NTRK1: variants seen among roughly 807,000 people sequenced by gnomAD.
NTRK1 encodes high affinity nerve growth factor receptor.
In NTRK1, 62 loss-of-function variants were observed where a neutral mutation model predicts 86.8. That is an observed-to-expected ratio of 0.71 (90% CI 0.58 to 0.88). The LOEUF is 0.88. Among genes scored for constraint, NTRK1 ranks in the 40% least tolerant of loss-of-function variants. NTRK1 has a pLI of 0.00. For missense variants in NTRK1, 967 were observed against 1,078.4 expected (o/e 0.90, Z 1.45); for synonymous variants, 469 against 456.6 (o/e 1.03, Z -0.35).
upstream of NTRK1, among the ~76,000 whole-genome samples, chr1:156,858,047 G>C (rs943550): frequency 4.8e-3 from 726 of 152,264 alleles, 5 homozygotes; most frequent in African/African-American, 0.017. Context: ...GCCCTAAGAG[G>C]GGGGACACAG....
Position 156,875,700 on chromosome 1 carries a change from AGT to A in NTRK1, c.1501+69_1501+70del, listed in dbSNP as rs56185968. On this transcript the variant is annotated intron_variant, in intron 12 of 16. Transcript: ENST00000524377. Reference sequence around the variant, plus strand: ...CTATGCTGGGTCAAGGGCAGGGACGAGTGTGTGTGTGTGTGTGTGTGTGTGTG... The same window carrying A: ...CTATGCTGGGTCAAGGGCAGGGACGAGTGTGTGTGTGTGTGTGTGTGTGTG... 0.13 allele frequency: 176,252 copies of A among 1,378,050 alleles called. 1,921 individuals are homozygous for A. Among genetic ancestry groups the A allele is most frequent in the East Asian group, 0.31 (13,024 of 41,490 alleles). 85.4% of individuals were successfully genotyped at this position (1,378,050 alleles called of 1,614,324 possible).
intron 7 of NTRK1, 121 bp downstream of exon 7, chr1:156,871,876 C>A: frequency 4.5e-6 from 6 of 1,322,404 alleles, no homozygotes; most frequent in Non-Finnish European, 6.4e-6. Context: ...CTGCTCCCTC[C>A]CAGCTGTTTC....
chr1:156,843,213 C>T (rs754447025), intron 2 of NTRK1: 2 of 1,614,128 alleles, frequency 1.2e-6, no homozygotes, highest in South Asian at 2.2e-5. Flanking sequence ...CGAGGCACCT[C>T]CCATTCATCA....
chr1:156,852,786 C>G (rs980558699), intron 2 of NTRK1, among the ~76,000 whole-genome samples: 1 of 152,204 alleles, frequency 6.6e-6, no homozygotes, highest in Non-Finnish European at 1.5e-5. Context: ...TCAGCCAGGT[C>G]GTGTTGACAC....
chr1:156,819,504 T>TTTTTTA (rs55859036), intron 1 of NTRK1, among the ~76,000 whole-genome samples: 116,578 of 147,086 alleles, frequency 0.79, 49,260 homozygotes, highest in East Asian at 0.94. Flanking sequence ...GGATTATTAT[T>TTTTTTA]TTTTTATTTT....
Position 156,881,403 on chromosome 1 carries a change from C to T in NTRK1, c.2206-54C>T, listed in dbSNP as rs2102930225. 7 of 1,534,006 alleles carry T rather than the reference C, an allele frequency of 4.6e-6. No individual in the cohort carries two copies. The South Asian group carries it at 8.4e-5, about 19-fold the overall frequency. ...AGTGAGGGCACTGGGACTGGCCTCA[C>T]TCTCTTGCCCCCAGCCTAGTGGGCT... is the stretch of plus-strand genomic sequence containing the variant. On this transcript the variant is annotated intron_variant, in intron 16 of 16. Transcript: ENST00000524377.
At chr1:156,843,309 C>G (rs1654870385) in intron 2 of NTRK1, 6 of 1,566,078 alleles carry the variant, frequency 3.8e-6, no homozygotes, top group Non-Finnish European at 5.3e-6. Flanking sequence ...CTCTTCTCCT[C>G]TTCTGAAGGG....
chr1:156,875,982 C>T (rs72698669), intron 12 of NTRK1, 98 bp from the exon 13 acceptor site: 359 of 1,578,978 alleles, frequency 2.3e-4, no homozygotes, highest in Non-Finnish European at 2.4e-4. Context: ...CTCGTCTGGG[C>T]AGCCTTGTGC....
intron 2 of NTRK1, chr1:156,845,108 G>C (rs1352967338): frequency 1.9e-6 from 3 of 1,610,910 alleles, no homozygotes; most frequent in Non-Finnish European, 2.5e-6. Flanking sequence ...GACGAAGGTG[G>C]CGGCGCTGCA....
intron 1 of NTRK1, among the ~76,000 whole-genome samples, chr1:156,818,220 A>G (rs1654073037): frequency 6.6e-6 from 1 of 151,612 alleles, no homozygotes; most frequent in African/African-American, 2.4e-5. Flanking sequence ...TGGTACTGAG[A>G]ACCCAGAGAG....
At chr1:156,827,536 A>G (rs1654352153) in intron 1 of NTRK1, among the ~76,000 whole-genome samples, 1 of 152,176 alleles carries the variant, frequency 6.6e-6, no homozygotes, top group Non-Finnish European at 1.5e-5. Context: ...TGCTGAGATT[A>G]CACGTGTGAA....
At chr1:156,867,649 T>C (rs1036402174) in intron 4 of NTRK1, among the ~76,000 whole-genome samples, 9 of 139,342 alleles carry the variant, frequency 6.5e-5, no homozygotes, top group Non-Finnish European at 1.3e-4. Flanking sequence ...TTTTCTTTTC[T>C]TTCTTTCTTT....
intron 2 of NTRK1, chr1:156,848,916 C>G: frequency 6.4e-7 from 1 of 1,564,288 alleles, no homozygotes. Context: ...GCCCCCGGCA[C>G]TCACGACTCC....
chr1:156,869,940 C>G (rs577394162), intron 6 of NTRK1, among the ~76,000 whole-genome samples: 4 of 152,298 alleles, frequency 2.6e-5, no homozygotes, highest in South Asian at 2.1e-4. Flanking sequence ...ATTTGGGGAG[C>G]CTTCACTTTG....
In NTRK1 at chr1:156,834,196, G is replaced by A. The variant is rs550586242; in HGVS notation, c.-63-7885G>A. Among the ~76,000 whole-genome samples the A allele has an allele frequency of 1.1e-4, 17 of 152,316 alleles. No individual in the cohort carries two copies. In the South Asian group the frequency reaches 1.2e-3, roughly 11 times the overall value. On this transcript the variant is annotated intron_variant, in intron 1 of 16. Transcript: ENST00000392302. ...TAGAGATCAGAAAGGGCATCACGGG[G>A]AAGCCACAGAGACCAAGGATGCAGA...
chr1:156,868,064 C>A (rs758710919), intron 4 of NTRK1, 40 bp from the exon 5 acceptor site: 2 of 1,612,586 alleles, frequency 1.2e-6, no homozygotes, highest in South Asian at 2.2e-5. Flanking sequence ...ATCCCTCAGG[C>A]CCTTTCCTTG....
intron 1 of NTRK1, among the ~76,000 whole-genome samples, chr1:156,826,525 G>A (rs1357351362): frequency 1.3e-5 from 2 of 151,950 alleles, no homozygotes; most frequent in Non-Finnish European, 2.9e-5. Flanking sequence ...TCCTGACCTC[G>A]TGATCCGCCC....
chr1:156,844,061 A>G (rs908201989), intron 2 of NTRK1: 2 of 736,542 alleles, frequency 2.7e-6, no homozygotes, highest in Admixed American at 4.7e-5. Flanking sequence ...GGGAAGAGTT[A>G]CTGCCTGTAT....
chr1:156,841,305 T>A (rs1654769996), intron 1 of NTRK1: 1 of 1,270,972 alleles, frequency 7.9e-7, no homozygotes, highest in African/African-American at 1.6e-5. Flanking sequence ...TGTCAAAGCA[T>A]CAGAGGAGGT....
Sources: gnomAD v4.1 joint callset for allele counts (sites outside exome capture counted in the v4.1 genomes callset) on GRCh38, gnomAD v4.1.1 for gene constraint, MANE v1.5 for transcripts, NCBI Gene and HGNC (gene_info 2026-07-23, HGNC 2026-07-21) for gene names.